Variants in PLCE1 observed in about 807,000 individuals in gnomAD.
PLCE1 encodes the protein 1-phosphatidylinositol 4,5-bisphosphate phosphodiesterase epsilon-1.
In PLCE1, 119 loss-of-function variants were observed where a neutral mutation model predicts 242.8. That is an observed-to-expected ratio of 0.49 (90% CI 0.42 to 0.57). The LOEUF is 0.57. Among genes scored for constraint, PLCE1 ranks in the 20% least tolerant of loss-of-function variants. The pLI is 0.00. For missense variants in PLCE1, 2,441 were observed against 2,788.8 expected (o/e 0.88, Z 2.81); for synonymous variants, 945 against 1,017.4 (o/e 0.93, Z 1.35).
chr10:94,323,896 C>A (rs2053914878), intron 30 of PLCE1, among the ~76,000 whole-genome samples: 1 of 152,202 alleles, frequency 6.6e-6, no homozygotes, highest in South Asian at 2.1e-4. Flanking sequence ...CAGTTGACTT[C>A]TAAAATTCTT....
chr10:94,239,862 G>T (rs1365715065), intron 7 of PLCE1, among the ~76,000 whole-genome samples: 1 of 152,152 alleles, frequency 6.6e-6, no homozygotes, highest in Non-Finnish European at 1.5e-5. Flanking sequence ...AAAATGATAG[G>T]AAATCAGTTA....
intron 2 of PLCE1, among the ~76,000 whole-genome samples, chr10:94,035,697 C>G (rs930045101): frequency 6.6e-6 from 1 of 152,116 alleles, no homozygotes; most frequent in Non-Finnish European, 1.5e-5. Context: ...TCAAACCACA[C>G]CATATCAGCA....
intron 2 of PLCE1, chr10:94,094,860 A>G (rs2045242046): frequency 1.3e-5 from 2 of 152,218 alleles, no homozygotes; most frequent in African/African-American, 4.8e-5. Context: ...GGAAATCGAT[A>G]TCTAATTCCA....
At chr10:94,207,898 C>T (rs1346748807) in intron 4 of PLCE1, among the ~76,000 whole-genome samples, 1 of 152,056 alleles carries the variant, frequency 6.6e-6, no homozygotes, top group East Asian at 1.9e-4. Context: ...ATCCATTTGA[C>T]TACGCCAATT....
intron 2 of PLCE1, among the ~76,000 whole-genome samples, chr10:94,110,082 A>G (rs1224734566): frequency 1.4e-3 from 4 of 2,826 alleles, no homozygotes; most frequent in African/African-American, 2.6e-3. Flanking sequence ...TTTTTTTTTG[A>G]GATGGAGTCT....
chr10:94,032,785 G>T (rs1225770676), intron 2 of PLCE1, among the ~76,000 whole-genome samples: 2 of 152,084 alleles, frequency 1.3e-5, no homozygotes, highest in Non-Finnish European at 2.9e-5. Context: ...TAAAGGACAA[G>T]TTATGCGGAT....
At chr10:94,159,823 G>A (rs1009851930) in intron 3 of PLCE1, among the ~76,000 whole-genome samples, 1 of 152,002 alleles carries the variant, frequency 6.6e-6, no homozygotes, top group Non-Finnish European at 1.5e-5. Context: ...CTGTGTCCAT[G>A]TGTTTTCATT....
rs1004396619 is a variant in PLCE1 at position 94,328,913 on chromosome 10, T to C, written c.*970T>C. On this transcript the variant is annotated 3_prime_UTR_variant, in exon 33 of 33. Transcript: ENST00000371380. Reference sequence around the variant, plus strand: ...GACGTATAATTTAATATCTACTGAATTGCAATGTCTTAACAAGAAACCTAA... The same window carrying C: ...GACGTATAATTTAATATCTACTGAACTGCAATGTCTTAACAAGAAACCTAA... 1 of 152,196 alleles carries C rather than the reference T, an allele frequency of 6.6e-6. No homozygotes were observed. Among genetic ancestry groups the C allele is most frequent in the Non-Finnish European group, 1.5e-5 (1 of 68,022 alleles). 9.4% of individuals were successfully genotyped at this position (152,196 alleles called of 1,614,324 possible). A position where few individuals can be genotyped will look rare whatever the true frequency, so the allele number is the denominator to read the frequency against.
rs2052709923 is a variant in PLCE1 at position 94,293,554 on chromosome 10, G to A, written c.5082G>A (p.Arg1694=). The A allele has an allele frequency of 6.2e-7, 1 of 1,613,772 alleles. No individual in the cohort carries two copies. The highest frequency in any genetic ancestry group is 8.5e-7 in the Non-Finnish European group (1 of 1,179,848). ...NASGSSRGKE[R]KSRKSIFGNN... is the part of the protein sequence containing the mutation. ...CTGGCTCTAGCAGAGGAAAAGAAAG[G>A]AAAAGCAGGAAGTCCATTTTTGGCA... The change falls in exon 23 of 33, where the codon AGG becomes AGA. Residue 1694 remains arginine (R), a synonymous_variant. Transcript: ENST00000371380.
intron 7 of PLCE1, among the ~76,000 whole-genome samples, chr10:94,240,993 T>C (rs1488938620): frequency 6.6e-6 from 1 of 152,164 alleles, no homozygotes; most frequent in African/African-American, 2.4e-5. Flanking sequence ...GGCACAAAAT[T>C]GCATAACATT....
intron 11 of PLCE1, 81 bp downstream of exon 11, chr10:94,255,130 A>G (rs935106267): frequency 3.4e-6 from 5 of 1,470,804 alleles, no homozygotes; most frequent in Admixed American, 1.7e-5. Context: ...ACAGTTGTCT[A>G]TGGAAAGACT....
At chr10:94,257,636 C>T (rs1023718683) in intron 11 of PLCE1, among the ~76,000 whole-genome samples, 1 of 152,148 alleles carries the variant, frequency 6.6e-6, no homozygotes, top group African/African-American at 2.4e-5. Flanking sequence ...ATAGATGAAG[C>T]TGGAAACCAT....
chr10:94,066,008 A>T (rs1589948984), intron 2 of PLCE1, among the ~76,000 whole-genome samples: 1 of 152,160 alleles, frequency 6.6e-6, no homozygotes, highest in Non-Finnish European at 1.5e-5. Flanking sequence ...CTCTTTAAAG[A>T]GGCAGTATTT....
At chr10:94,115,016 T>C (rs1242332552) in intron 2 of PLCE1, among the ~76,000 whole-genome samples, 2 of 151,462 alleles carry the variant, frequency 1.3e-5, no homozygotes. Context: ...GAACATGCGA[T>C]GTTTGGTTTT....
chr10:94,241,710 C>G (rs2050509589), intron 7 of PLCE1, among the ~76,000 whole-genome samples: 1 of 149,466 alleles, frequency 6.7e-6, no homozygotes, highest in African/African-American at 2.5e-5. Context: ...TTGCCTGAAC[C>G]TGGGAGGCGG....
At chr10:94,219,877 G>A (rs1456404860) in intron 4 of PLCE1, among the ~76,000 whole-genome samples, 2 of 152,140 alleles carry the variant, frequency 1.3e-5, no homozygotes, top group Non-Finnish European at 2.9e-5. Flanking sequence ...ATGTGATGTA[G>A]TTTGGGGGTA....
At chr10:94,169,157 C>T (rs2047896139) in intron 3 of PLCE1, among the ~76,000 whole-genome samples, 1 of 152,146 alleles carries the variant, frequency 6.6e-6, no homozygotes, top group Admixed American at 6.5e-5. Context: ...GTCCCATGTC[C>T]TCATTGGTTT....
chr10:94,130,383 T>A (rs566458341), intron 2 of PLCE1, among the ~76,000 whole-genome samples: 1 of 152,340 alleles, frequency 6.6e-6, no homozygotes, highest in East Asian at 1.9e-4. Flanking sequence ...TTTTATAGAC[T>A]TGCTCAACAG....
chr10:94,134,571 T>C (rs1408080004), intron 3 of PLCE1, among the ~76,000 whole-genome samples: 1 of 152,206 alleles, frequency 6.6e-6, no homozygotes, highest in East Asian at 1.9e-4. Flanking sequence ...AACATCATGT[T>C]TTACATGACA....
Sources: allele counts gnomAD v4.1 joint callset (sites outside exome capture counted in the v4.1 genomes callset), GRCh38; gene constraint gnomAD v4.1.1; transcripts MANE v1.5; gene names NCBI Gene and HGNC (gene_info 2026-07-23, HGNC 2026-07-21).